BRCA2: variants seen among roughly 807,000 people sequenced by gnomAD.
BRCA2 encodes breast cancer type 2 susceptibility protein.
Under a neutral mutation model 276.7 loss-of-function variants are expected in BRCA2, and 203 were observed. That is an observed-to-expected ratio of 0.73 (90% CI 0.65 to 0.82). The LOEUF is 0.82. BRCA2 is among the 40% of genes least tolerant of loss of function. The pLI is 0.00. For synonymous variants in BRCA2, 1,289 were observed against 1,338.4 expected, an observed-to-expected ratio of 0.96 and a Z score of 0.81; for missense variants, 3,920 against 3,915.0, an observed-to-expected ratio of 1.00 and a Z score of -0.03.
Position 32,340,684 on chromosome 13 carries a change from A to C in BRCA2, c.6329A>C (p.Asp2110Ala), listed in dbSNP as rs80358873. Reference protein sequence around the residue: ...QNVSKILPRVDKRNPEHCVNS... With the variant: ...QNVSKILPRVAKRNPEHCVNS... ...GTATCAAAAATACTTCCTCGTGTTG[A>C]TAAGAGAAACCCAGAGCACTGTGTA... Residue 2110 changes from aspartate to alanine, a missense_variant, in exon 11 of 27, where the codon GAT becomes GCT. Coordinates refer to ENST00000380152, the MANE Select transcript of BRCA2 (RefSeq NM_000059.4). 16 of 1,609,036 alleles carry C rather than the reference A, an allele frequency of 9.9e-6. No individual in the cohort carries two copies. The highest frequency in any genetic ancestry group is 1.3e-5 in the Non-Finnish European group (15 of 1,178,834).
rs41293487 is a variant in BRCA2, at chr13:32,338,249, T to C, written c.3894T>C (p.Ile1298=). 1.3e-6 allele frequency: 2 copies of C among 1,548,960 alleles called. No homozygotes were observed. The highest frequency in any genetic ancestry group is 1.7e-6 in the Non-Finnish European group (2 of 1,148,788). The part of the protein sequence containing the change: ...NKCQLILQNN[I]EMTTGTFVEE... Reference sequence around the variant, plus strand: ...GCCAACTGATATTACAAAATAATATTGAAATGACTACTGGCACTTTTGTTG... The same window carrying C: ...GCCAACTGATATTACAAAATAATATCGAAATGACTACTGGCACTTTTGTTG... Residue 1298 remains isoleucine (I), a synonymous_variant, in exon 11 of 27, where the codon ATT becomes ATC. Transcript: ENST00000380152.
chr13:32,391,762 T>G (rs998710729), intron 24 of BRCA2, among the ~76,000 whole-genome samples: 13 of 152,240 alleles, frequency 8.5e-5, no homozygotes, highest in African/African-American at 3.1e-4. Context: ...ATTTACCTAG[T>G]GTAGGATTCT....
At chr13:32,335,159 CA>C (rs1566225322) in intron 10 of BRCA2, among the ~76,000 whole-genome samples, 2 of 152,076 alleles carry the variant, frequency 1.3e-5, no homozygotes, top group Non-Finnish European at 1.5e-5. Flanking sequence ...GCCTGGCCAA[CA>C]TGGTAAAACC....
chr13:32,319,226 C>A lies in BRCA2; in HGVS notation c.217C>A (p.Gln73Lys), dbSNP rs398122741. 6.2e-7 allele frequency: 1 copy of A among 1,613,464 alleles called. No homozygotes were observed. Among genetic ancestry groups the A allele is most frequent in the South Asian group, 1.1e-5 (1 of 91,078 alleles). ...KTPQRKPSYN[Q>K]LASTPIIFKE... ...TCCACAAAGGAAACCATCTTATAAT[C>A]AGCTGGCTTCAACTCCAATAATATT... is the stretch of plus-strand genomic sequence containing the variant. The change falls in exon 3 of 27, where the codon CAG becomes AAG. Residue 73 changes from glutamine (Q) to lysine (K), a missense_variant. Gln to Lys is a moderately conservative substitution (Grantham distance 53). Coordinates refer to ENST00000380152, the MANE Select transcript of BRCA2 (RefSeq NM_000059.4).
In BRCA2 at chr13:32,351,343, G is replaced by A. The variant is rs751286214; in HGVS notation, c.7008-3518G>A. Among the ~76,000 whole-genome samples the A allele has an allele frequency of 2.6e-5, 4 of 152,110 alleles. No individual in the cohort carries two copies. The East Asian group carries it at 5.8e-4, about 22-fold the overall frequency. On this transcript the variant is annotated intron_variant, in intron 13 of 26. Coordinates refer to ENST00000380152, the MANE Select transcript of BRCA2 (RefSeq NM_000059.4). ...TGTAACACTCACTGGGAAGGTCTGCGGCTTCACTCCTGAAGTCAGCAAGAC... is the reference window on the plus strand; with the variant it reads ...TGTAACACTCACTGGGAAGGTCTGCAGCTTCACTCCTGAAGTCAGCAAGAC...
At chr13:32,378,040 G>A (rs1456105454) in intron 21 of BRCA2, among the ~76,000 whole-genome samples, 3 of 152,184 alleles carry the variant, frequency 2.0e-5, no homozygotes, top group Non-Finnish European at 4.4e-5. Flanking sequence ...CTTGCTGCAG[G>A]TCTGAAAATG....
At chr13:32,390,134 C>T (rs1447691328) in intron 24 of BRCA2, among the ~76,000 whole-genome samples, 1 of 152,104 alleles carries the variant, frequency 6.6e-6, no homozygotes, top group Non-Finnish European at 1.5e-5. Flanking sequence ...AAGGAGCCAC[C>T]TTAAACCAGA....
intron 20 of BRCA2, among the ~76,000 whole-genome samples, chr13:32,376,100 A>G (rs139643721): frequency 5.3e-5 from 8 of 152,324 alleles, no homozygotes; most frequent in African/African-American, 1.7e-4. Flanking sequence ...TGCAGTATCT[A>G]TGAAACTCAG....
intron 20 of BRCA2, among the ~76,000 whole-genome samples, chr13:32,371,555 A>G (rs1023565336): frequency 6.6e-6 from 1 of 152,064 alleles, no homozygotes; most frequent in South Asian, 2.1e-4. Context: ...CATGTTCTAT[A>G]GGACATGTAA....
At chr13:32,397,225 ACT>A (rs1013665595) in intron 26 of BRCA2, among the ~76,000 whole-genome samples, 181 bp downstream of exon 26, 1 of 152,148 alleles carries the variant, frequency 6.6e-6, no homozygotes, top group Admixed American at 6.5e-5. Context: ...AAGATATGAA[ACT>A]CTGGGTGCAC....
Position 32,339,846 on chromosome 13 carries a change from A to G in BRCA2, c.5491A>G (p.Ile1831Val), listed in dbSNP as rs1593905631. 1 of 1,613,892 alleles carries G rather than the reference A, an allele frequency of 6.2e-7. No individual in the cohort carries two copies. The highest frequency in any genetic ancestry group is 1.1e-5 in the South Asian group (1 of 91,040). The change falls in exon 11 of 27, where the codon ATA (isoleucine) becomes GTA (valine). Residue 1831 changes from isoleucine to valine, a missense_variant. Physicochemically the swap from Ile to Val is conservative, Grantham distance 29. Transcript: ENST00000380152. ...KNKNAAIKLS[I>V]SNSNNFEVGP... is the part of the protein sequence containing the mutation. Reference sequence around the variant, plus strand: ...TAAAAATGCAGCCATTAAATTGTCCATATCTAATAGTAATAATTTTGAGGT... The same window carrying G: ...TAAAAATGCAGCCATTAAATTGTCCGTATCTAATAGTAATAATTTTGAGGT...
chr13:32,327,590 A>C lies in BRCA2; in HGVS notation c.631+977A>C, dbSNP rs371461057. Among the ~76,000 whole-genome samples the C allele has an allele frequency of 2.6e-5, 4 of 151,424 alleles. No homozygotes were observed. The East Asian group carries it at 7.8e-4, about 30-fold the overall frequency. ...GAGGCTGAGGCAGGAGAATGGCATG[A>C]ACCCGGGAGGCGGATCTTGTAGTGA... On this transcript the variant is annotated intron_variant, in intron 7 of 26. Transcript: ENST00000380152.
intron 16 of BRCA2, 57 bp from the exon 17 acceptor site, chr13:32,362,466 G>T: frequency 1.3e-6 from 2 of 1,510,302 alleles, no homozygotes; most frequent in Non-Finnish European, 1.8e-6. Context: ...TGTAGTTGTT[G>T]AATTCAGTAT....
intron 15 of BRCA2, among the ~76,000 whole-genome samples, chr13:32,357,329 G>A (rs1326856640): frequency 2.0e-5 from 3 of 152,208 alleles, no homozygotes; most frequent in African/African-American, 7.2e-5. Flanking sequence ...TGGGGTGAAA[G>A]CAAGCACTTT....
chr13:32,333,227 G>A lies in BRCA2; in HGVS notation c.1749G>A (p.Leu583=), dbSNP rs780324598. 28 of 1,612,294 alleles carry A rather than the reference G, an allele frequency of 1.7e-5. No individual in the cohort carries two copies. Among genetic ancestry groups the A allele is most frequent in the African/African-American group, 6.7e-5 (5 of 74,758 alleles). ...ALKNAGLIST[L]KKKTNKFIYA... is the part of the protein sequence containing the mutation. The stretch of plus-strand genomic sequence containing the variant: ...AGAATGCAGGTTTAATATCCACTTT[G>A]AAAAAGAAAACAAATAAGTTTATTT... Residue 583 remains leucine (L), a synonymous_variant, in exon 10 of 27, where the codon TTG becomes TTA. Coordinates refer to ENST00000380152, the MANE Select transcript of BRCA2 (RefSeq NM_000059.4).
rs200814465 is a variant in BRCA2, at chr13:32,379,907, A to T, written c.9111A>T (p.Gln3037His). Residue 3037 changes from glutamine to histidine, a missense_variant, in exon 23 of 27, where the codon CAA becomes CAT. By Grantham distance (24) the Gln-to-His change is conservative. Transcript: ENST00000380152. ...LAATKKTQYQ[Q>H]LPVSDEILFQ... The stretch of plus-strand genomic sequence containing the variant: ...CGACAAAAAAAACTCAGTATCAACA[A>T]CTACCGGTACAAACCTTTCATTGTA... The T allele has an allele frequency of 1.9e-6, 3 of 1,613,502 alleles. No individual in the cohort carries two copies. Among genetic ancestry groups the T allele is most frequent in the Non-Finnish European group, 2.5e-6 (3 of 1,179,604 alleles).
chr13:32,319,454 C>T, intron 3 of BRCA2, 129 bp downstream of exon 3: 1 of 922,456 alleles, frequency 1.1e-6, no homozygotes, highest in Non-Finnish European at 1.7e-6. Flanking sequence ...CCTCTTTTTC[C>T]TCACTCGAAA....
At chr13:32,385,515 T>G in intron 24 of BRCA2, 1 of 225,668 alleles carries the variant, frequency 4.4e-6, no homozygotes, top group East Asian at 1.1e-4. Context: ...TGCAGGCAAC[T>G]CCCACTTCTG....
chr13:32,374,791 C>T (rs2072859521), intron 20 of BRCA2, among the ~76,000 whole-genome samples: 1 of 152,210 alleles, frequency 6.6e-6, no homozygotes, highest in Non-Finnish European at 1.5e-5. Flanking sequence ...CAAACTCTTC[C>T]AATCTCTGCC....
Sources: gnomAD v4.1 joint callset for allele counts (sites outside exome capture counted in the v4.1 genomes callset) on GRCh38, gnomAD v4.1.1 for gene constraint, MANE v1.5 for transcripts, NCBI Gene and HGNC (gene_info 2026-07-23, HGNC 2026-07-21) for gene names.